The following GRIK3 variants were observed in gnomAD, a reference collection of about 807,000 sequenced individuals.
The protein encoded by GRIK3 is glutamate ionotropic receptor kainate type subunit 3.
In GRIK3, 29 loss-of-function variants were observed where a neutral mutation model predicts 102.5. That is an observed-to-expected ratio of 0.28 (90% CI 0.21 to 0.39). The LOEUF is 0.39. Among genes scored for constraint, GRIK3 ranks in the 10% least tolerant of loss-of-function variants. GRIK3 has a pLI of 1.00. For missense variants in GRIK3, 908 were observed against 1,252.4 expected (o/e 0.73, Z 4.15); for synonymous variants, 511 against 504.9 (o/e 1.01, Z -0.16).
At chr1:36,811,039 C>T (rs974889570) in intron 13 of GRIK3, among the ~76,000 whole-genome samples, 6 of 152,224 alleles carry the variant, frequency 3.9e-5, no homozygotes, top group Non-Finnish European at 8.8e-5. Context: ...GTGACATCAC[C>T]TCTCTGAGCT....
At chr1:37,017,369 TAAAAAAAAAAA>T (rs774819790) in intron 1 of GRIK3, among the ~76,000 whole-genome samples, 3 of 48,532 alleles carry the variant, frequency 6.2e-5, no homozygotes, top group African/African-American at 2.0e-4. Flanking sequence ...CCCTGTCTCT[TAAAAAAAAAAA>T]AAAAAAAAAA....
intron 1 of GRIK3, among the ~76,000 whole-genome samples, chr1:36,966,857 G>A (rs910507108): frequency 1.3e-5 from 2 of 152,088 alleles, no homozygotes; most frequent in Admixed American, 1.3e-4. Context: ...GCCGGGCATG[G>A]TGAGTCCCTC....
At position 37,017,594 on chromosome 1, in the gene GRIK3, G is replaced by A. The variant is rs191851078; in HGVS notation, c.115+16400C>T. Among the ~76,000 whole-genome samples, 431 of 152,164 alleles carry A rather than the reference G, an allele frequency of 2.8e-3. 1 individual carries two copies. Among genetic ancestry groups the A allele is most frequent in the African/African-American group, 9.8e-3 (407 of 41,490 alleles). Reference sequence around the variant, plus strand: ...GGCATCTCTTGCCGCACAGTTGGGCGTGCCTAGAATTTCACAGTGAAAGGA... The same window carrying A: ...GGCATCTCTTGCCGCACAGTTGGGCATGCCTAGAATTTCACAGTGAAAGGA... On this transcript the variant is annotated intron_variant, in intron 1 of 15. Transcript: ENST00000373091.
intron 7 of GRIK3, among the ~76,000 whole-genome samples, chr1:36,857,004 T>A (rs1317023243): frequency 6.6e-6 from 1 of 152,172 alleles, no homozygotes; most frequent in Admixed American, 6.5e-5. Context: ...TTGTCCCTAG[T>A]GCGACACACG....
chr1:36,854,407 T>G (rs1403488132), intron 7 of GRIK3, among the ~76,000 whole-genome samples: 1 of 152,182 alleles, frequency 6.6e-6, no homozygotes, highest in Admixed American at 6.5e-5. Context: ...AGATGAACAC[T>G]GGATAAATGG....
In GRIK3 at chr1:36,850,268, C is replaced by T; in HGVS notation, c.1326+43G>A. On this transcript the variant is annotated intron_variant, in intron 9 of 15. Transcript: ENST00000373091. This position sits in a 1 kb window ranked among gnomAD's most constrained non-coding sequence, Gnocchi z 4.0. ...CTCCAGCCCGAACGGCCACCCCACC[C>T]CCAGGTCGGACAGTCCTTCCTGCAG... 1 of 1,299,102 alleles carries T rather than the reference C, an allele frequency of 7.7e-7. No homozygotes were observed. Among genetic ancestry groups the T allele is most frequent in the Admixed American group, 1.7e-5 (1 of 59,598 alleles). The allele number at this position is 1,299,102 out of a possible 1,614,324, so 80.5% of individuals were successfully genotyped here. A position where few individuals can be genotyped will look rare whatever the true frequency, so the allele number is the denominator to read the frequency against.
chr1:36,917,833 G>A (rs1011729909), intron 1 of GRIK3, among the ~76,000 whole-genome samples: 4 of 152,180 alleles, frequency 2.6e-5, no homozygotes, highest in African/African-American at 7.2e-5. Context: ...CTTTTAAGCA[G>A]TGGGGAGAGA....
At chr1:36,805,633 G>A (rs1456106109) in intron 14 of GRIK3, among the ~76,000 whole-genome samples, 1 of 152,144 alleles carries the variant, frequency 6.6e-6, no homozygotes, top group African/African-American at 2.4e-5. Context: ...CTCTGCTTCT[G>A]GGCTGAGAAA....
At chr1:36,869,988 A>G (rs781617238) in intron 4 of GRIK3, among the ~76,000 whole-genome samples, 187 bp from the exon 5 acceptor site, 5 of 152,234 alleles carry the variant, frequency 3.3e-5, no homozygotes, top group Non-Finnish European at 7.3e-5. Flanking sequence ...TGGATTTCAC[A>G]CTGGAGTGTG....
chr1:36,962,832 C>T (rs369010659), intron 1 of GRIK3, among the ~76,000 whole-genome samples: 14 of 143,576 alleles, frequency 9.8e-5, no homozygotes, highest in East Asian at 8.3e-4. Context: ...TGCAGTGAGC[C>T]GAGATCGTGC....
rs2124253688 is a variant in GRIK3 at position 36,872,106 on chromosome 1, C to T, written c.732+82G>A. ...GAGTCAAACTTAGATCTGGCAGCATCACACCCACATTTGGGAAGGGGACGT... is the reference window on the plus strand; with the variant it reads ...GAGTCAAACTTAGATCTGGCAGCATTACACCCACATTTGGGAAGGGGACGT... On this transcript the variant is annotated intron_variant, in intron 4 of 15. Transcript: ENST00000373091. The surrounding 1 kb of genome is among the most constrained non-coding windows in gnomAD (Gnocchi z 5.9). 1 of 1,304,220 alleles carries T rather than the reference C, an allele frequency of 7.7e-7. No individual in the cohort carries two copies. The highest frequency in any genetic ancestry group is 1.1e-6 in the Non-Finnish European group (1 of 950,280). The allele number at this position is 1,304,220 out of a possible 1,614,324, so 80.8% of individuals were successfully genotyped here.
intron 1 of GRIK3, among the ~76,000 whole-genome samples, chr1:37,015,032 A>T (rs558904331): frequency 6.6e-6 from 1 of 151,534 alleles, no homozygotes; most frequent in Non-Finnish European, 1.5e-5. Context: ...AATTCCCTAC[A>T]TTGGTTCATT....
At position 37,005,973 on chromosome 1, in the gene GRIK3, G is replaced by A. The variant is rs909627443; in HGVS notation, c.115+28021C>T. Among the ~76,000 whole-genome samples, 8 of 152,272 alleles carry A rather than the reference G, an allele frequency of 5.3e-5. No individual in the cohort carries two copies. In the South Asian group the frequency reaches 1.2e-3, roughly 24 times the overall value. On this transcript the variant is annotated intron_variant, in intron 1 of 15. Transcript: ENST00000373091. ...TTTCTCAGGGAGGGTGAGGTGACCT[G>A]CAGAGACATACTGGAGACTGTCAGA...
chr1:36,802,362 C>A (rs540979566), intron 15 of GRIK3, among the ~76,000 whole-genome samples: 1 of 152,310 alleles, frequency 6.6e-6, no homozygotes, highest in Admixed American at 6.5e-5. Flanking sequence ...TGCCATTTTT[C>A]TTCACTAGAC....
intron 3 of GRIK3, among the ~76,000 whole-genome samples, chr1:36,876,857 C>T (rs1640917236): frequency 6.6e-6 from 1 of 152,086 alleles, no homozygotes; most frequent in South Asian, 2.1e-4. Flanking sequence ...CATTGACTCC[C>T]CTATGTTTTA....
At chr1:36,873,972 A>G (rs1640872852) in intron 3 of GRIK3, among the ~76,000 whole-genome samples, 1 of 152,202 alleles carries the variant, frequency 6.6e-6, no homozygotes, top group African/African-American at 2.4e-5. Context: ...AAGAAGTCCT[A>G]ATGATCTTCA....
chr1:37,007,322 G>A (rs1367333770), intron 1 of GRIK3, among the ~76,000 whole-genome samples: 1 of 152,192 alleles, frequency 6.6e-6, no homozygotes, highest in East Asian at 1.9e-4. Context: ...TAACAGAGCT[G>A]GGAGTCAAAC....
At chr1:36,970,143 C>G (rs951749397) in intron 1 of GRIK3, among the ~76,000 whole-genome samples, 1 of 152,152 alleles carries the variant, frequency 6.6e-6, no homozygotes. Context: ...TAAACACATA[C>G]AGAGGCAGAA....
Position 36,795,594 on chromosome 1 carries a change from T to G in GRIK3, c.*6257A>C, listed in dbSNP as rs2124165959. 2 of 152,338 alleles carry G rather than the reference T, an allele frequency of 1.3e-5. No homozygotes were observed. The highest frequency in any genetic ancestry group is 3.4e-3 in the Middle Eastern group (1 of 294). The allele number at this position is 152,338 out of a possible 1,614,324, so 9.4% of individuals were successfully genotyped here. On this transcript the variant is annotated 3_prime_UTR_variant, in exon 16 of 16. Coordinates refer to ENST00000373091, the MANE Select transcript of GRIK3 (RefSeq NM_000831.4). ...TTACTTCATACAGCAAACTGTGCACTTTGATATATCACAGTGTCTTAAAAA... is the reference window on the plus strand; with the variant it reads ...TTACTTCATACAGCAAACTGTGCACGTTGATATATCACAGTGTCTTAAAAA...
Sources: gnomAD v4.1 joint callset for allele counts (sites outside exome capture counted in the v4.1 genomes callset) on GRCh38, gnomAD v4.1.1 for gene constraint, Gnocchi (gnomAD v3.1) non-coding constraint, MANE v1.5 for transcripts, NCBI Gene and HGNC (gene_info 2026-07-23, HGNC 2026-07-21) for gene names.